The following GRAMD4 variants were observed in gnomAD, a reference collection of about 807,000 sequenced individuals.
GRAMD4 encodes the protein GRAM domain-containing protein 4.
GRAMD4 carries 25 observed loss-of-function variants against 83.9 expected under a neutral mutation model. The ratio of observed to expected loss-of-function variants is 0.30; its 90% CI spans 0.22 to 0.42. The LOEUF (loss-of-function observed/expected upper bound fraction) is 0.42. Ranked by LOEUF, GRAMD4 falls within the 10% of genes least tolerant of loss-of-function variation. GRAMD4 has a pLI of 1.00. For synonymous variants in GRAMD4, 336 were observed against 320.9 expected (o/e 1.05, Z -0.50); for missense variants, 593 against 788.7 (o/e 0.75, Z 2.97).
At position 46,659,181 on chromosome 22, in the gene GRAMD4, C is replaced by T. The variant is rs1385525970; in HGVS notation, c.404+874C>T. Among the ~76,000 whole-genome samples the T allele has an allele frequency of 1.3e-5, 2 of 152,092 alleles. No individual in the cohort carries two copies. The highest frequency in any genetic ancestry group is 2.9e-5 in the Non-Finnish European group (2 of 67,994). ...CCAGCAACCTCCTGCTTCGGCCTCCCTCTCAGCCTCCACTCCAGCAGCCTC... is the reference window on the plus strand; with the variant it reads ...CCAGCAACCTCCTGCTTCGGCCTCCTTCTCAGCCTCCACTCCAGCAGCCTC... On this transcript the variant is annotated intron_variant, in intron 4 of 18. Coordinates refer to ENST00000406902, the MANE Select transcript of GRAMD4 (RefSeq NM_015124.5). The surrounding 1 kb of genome is among the most constrained non-coding windows in gnomAD (Gnocchi z 4.1).
chr22:46,606,552 G>C (rs112935381), intron 1 of GRAMD4, among the ~76,000 whole-genome samples: 3 of 18,326 alleles, frequency 1.6e-4, no homozygotes, highest in Non-Finnish European at 4.7e-4. Context: ...TGCTGAGCAT[G>C]TCTGCATGGG....
intron 1 of GRAMD4, among the ~76,000 whole-genome samples, chr22:46,604,045 G>A (rs1361600884): frequency 1.3e-5 from 2 of 152,194 alleles, no homozygotes; most frequent in African/African-American, 4.8e-5. Context: ...GGTGGAGTGA[G>A]TTATCTCACA....
intron 5 of GRAMD4, among the ~76,000 whole-genome samples, chr22:46,662,638 C>T (rs745375574): frequency 6.6e-6 from 1 of 152,226 alleles, no homozygotes; most frequent in Admixed American, 6.5e-5. Context: ...ACCTCTCCAT[C>T]TGCTTTCTGA....
chr22:46,591,881 A>T (rs1424969961), intron 1 of GRAMD4, among the ~76,000 whole-genome samples: 1 of 54,890 alleles, frequency 1.8e-5, no homozygotes, highest in Non-Finnish European at 3.6e-5. Flanking sequence ...CGCACCCCTC[A>T]GCCCCCGCAC....
In GRAMD4 at chr22:46,675,338, T is replaced by G. The variant is rs2082580634; in HGVS notation, c.1479-130T>G. On this transcript the variant is annotated intron_variant, in intron 16 of 18. Transcript: ENST00000406902. The stretch of plus-strand genomic sequence containing the variant: ...GGCCGTGAGTGTTTCACCGGTTCTG[T>G]GTCTGCTGGGAAGGGAGCACCACTG... The G allele has an allele frequency of 4.2e-6, 3 of 718,152 alleles. No individual in the cohort carries two copies. In the East Asian group the frequency reaches 7.4e-5, roughly 18 times the overall value. 44.5% of individuals were successfully genotyped at this position (718,152 alleles called of 1,614,324 possible).
At chr22:46,593,441 C>T (rs906798152) in intron 1 of GRAMD4, among the ~76,000 whole-genome samples, 1 of 152,150 alleles carries the variant, frequency 6.6e-6, no homozygotes, top group Non-Finnish European at 1.5e-5. Flanking sequence ...CTGGGCCTGC[C>T]GCACAGGGAG....
intron 13 of GRAMD4, among the ~76,000 whole-genome samples, chr22:46,670,003 T>C (rs1393900846): frequency 1.3e-5 from 2 of 152,230 alleles, no homozygotes; most frequent in Admixed American, 1.3e-4. Context: ...CAGGGTCCTG[T>C]CCTTGAGGGG....
At chr22:46,671,113 G>A (rs548832389) in intron 13 of GRAMD4, 4 of 469,484 alleles carry the variant, frequency 8.5e-6, no homozygotes, top group East Asian at 7.0e-5. Context: ...GATGGCCCCA[G>A]CTGGGACTTG....
chr22:46,652,296 C>T (rs977412902), intron 3 of GRAMD4, among the ~76,000 whole-genome samples: 2 of 152,128 alleles, frequency 1.3e-5, no homozygotes, highest in African/African-American at 4.8e-5. Context: ...TCATTGCTCC[C>T]TGGGGGCCGC....
In GRAMD4 at chr22:46,661,440, C is replaced by G; in HGVS notation, c.464C>G (p.Ala155Gly). The change falls in exon 5 of 19, where the codon GCA becomes GGA. Residue 155 changes from alanine to glycine, a missense_variant and splice_region_variant. This residue lies in a region of GRAMD4 where 312 missense variants were observed against 350.7 expected (regional missense o/e 0.89). Transcript: ENST00000406902. ...GGGCAGGCCCAGGCCAGCAATGGAG[C>G]AGGTACACCCTGGTGGGCGGGTGGA... ...PKGQAQASNG[A>G]ERRSQGLSSR... The G allele has an allele frequency of 1.9e-6, 3 of 1,606,476 alleles. No homozygotes were observed. The highest frequency in any genetic ancestry group is 2.2e-5 in the East Asian group (1 of 44,856).
chr22:46,666,805 G>C lies in GRAMD4; in HGVS notation c.810-20G>C. On this transcript the variant is annotated intron_variant, in intron 9 of 18. Coordinates refer to ENST00000406902, the MANE Select transcript of GRAMD4 (RefSeq NM_015124.5). ...TCAGGTGGCGCTGTCCTAAAGGTGT[G>C]TGTGTTTTCTGTTCGCCAGGGGGTG... 1 of 1,607,740 alleles carries C rather than the reference G, an allele frequency of 6.2e-7. No individual in the cohort carries two copies. The highest frequency in any genetic ancestry group is 8.5e-7 in the Non-Finnish European group (1 of 1,175,234).
chr22:46,648,351 T>C (rs1164274070), intron 3 of GRAMD4, among the ~76,000 whole-genome samples: 1 of 149,514 alleles, frequency 6.7e-6, no homozygotes, highest in East Asian at 2.0e-4. Flanking sequence ...GATGGATGGA[T>C]GGATGGATGA....
chr22:46,629,689 A>G (rs1385890905), intron 2 of GRAMD4, among the ~76,000 whole-genome samples: 1 of 152,210 alleles, frequency 6.6e-6, no homozygotes, highest in Non-Finnish European at 1.5e-5. Context: ...TTCACCCACT[A>G]AAAGTGTGCG....
At chr22:46,604,361 TTCTC>T (rs890953291) in intron 1 of GRAMD4, among the ~76,000 whole-genome samples, 1 of 151,708 alleles carries the variant, frequency 6.6e-6, no homozygotes, top group African/African-American at 2.4e-5. Flanking sequence ...AGGATCGGTT[TTCTC>T]TCTCTCTCTC....
chr22:46,674,083 G>A (rs1035821554), intron 15 of GRAMD4, among the ~76,000 whole-genome samples: 1 of 152,252 alleles, frequency 6.6e-6, no homozygotes, highest in South Asian at 2.1e-4. Flanking sequence ...AACACACTGG[G>A]GAGAGAGTCC....
intron 10 of GRAMD4, among the ~76,000 whole-genome samples, chr22:46,667,523 C>T (rs1217141357): frequency 1.3e-5 from 2 of 152,236 alleles, no homozygotes; most frequent in African/African-American, 2.4e-5. Flanking sequence ...ACTGTCTGGC[C>T]CTTTACAGAA....
At chr22:46,613,395 G>A (rs2081436861) in intron 1 of GRAMD4, among the ~76,000 whole-genome samples, 2 of 152,236 alleles carry the variant, frequency 1.3e-5, no homozygotes, top group South Asian at 2.1e-4. Context: ...TACTTAGGGC[G>A]ACTGGAGCAG....
At chr22:46,652,736 CA>C (rs1270333229) in intron 3 of GRAMD4, among the ~76,000 whole-genome samples, 5 of 152,294 alleles carry the variant, frequency 3.3e-5, no homozygotes, top group South Asian at 2.1e-4. Context: ...GGTGCCTGGA[CA>C]GGGGCCGGGG....
Position 46,626,644 on chromosome 22 carries a change from T to C in GRAMD4, c.-49-107T>C, listed in dbSNP as rs1000469666. The C allele has an allele frequency of 4.5e-5, 29 of 638,948 alleles. 1 individual carries two copies. In the African/African-American group the frequency reaches 5.8e-4, roughly 13 times the overall value. 39.6% of individuals were successfully genotyped at this position (638,948 alleles called of 1,614,324 possible). The stretch of plus-strand genomic sequence containing the variant: ...ACGGTGGCAGGGCGGGGTCTCTGGG[T>C]CGGGGTTTTCTTTGGAAAGCTGGAC... On this transcript the variant is annotated intron_variant, in intron 1 of 18. Coordinates refer to ENST00000406902, the MANE Select transcript of GRAMD4 (RefSeq NM_015124.5).
Sources: allele counts gnomAD v4.1 joint callset (sites outside exome capture counted in the v4.1 genomes callset), GRCh38; gene constraint gnomAD v4.1.1; regional missense constraint gnomAD v4.1.1; non-coding constraint Gnocchi (gnomAD v3.1); transcripts MANE v1.5; gene names NCBI Gene and HGNC (gene_info 2026-07-23, HGNC 2026-07-21).